Variants in CDH23 observed in about 807,000 individuals in gnomAD.
The protein encoded by CDH23 is cadherin-23.
CDH23 carries 189 observed loss-of-function variants against 317.1 expected under a neutral mutation model. The observed-to-expected ratio is 0.60, with a 90% CI of 0.53 to 0.67. The LOEUF is 0.67. Ranked by LOEUF, CDH23 falls within the 30% of genes least tolerant of loss-of-function variation. The pLI, the probability that CDH23 is intolerant of heterozygous loss-of-function variation, is 0.00. For synonymous variants in CDH23, 1,839 were observed against 1,876.8 expected (o/e 0.98, Z 0.52); for missense variants, 4,401 against 4,592.4 (o/e 0.96, Z 1.20).
At chr10:71,478,948 T>C (rs1484401554) in intron 3 of CDH23, among the ~76,000 whole-genome samples, 2 of 152,254 alleles carry the variant, frequency 1.3e-5, no homozygotes, top group East Asian at 1.9e-4. Context: ...TTATTTTTTA[T>C]GTCTGTTCAT....
At chr10:71,518,087 G>A (rs2132223100) in intron 6 of CDH23, among the ~76,000 whole-genome samples, 1 of 152,238 alleles carries the variant, frequency 6.6e-6, no homozygotes, top group Admixed American at 6.5e-5. Context: ...GTGTGTGTGT[G>A]TGTTCTTATT....
intron 34 of CDH23, among the ~76,000 whole-genome samples, chr10:71,738,081 T>C (rs1167495789): frequency 1.3e-5 from 2 of 152,222 alleles, no homozygotes; most frequent in African/African-American, 4.8e-5. Flanking sequence ...CTAAATTTTA[T>C]TACTCATCAG....
At chr10:71,634,199 A>G (rs763444440) in intron 11 of CDH23, among the ~76,000 whole-genome samples, 1 of 152,230 alleles carries the variant, frequency 6.6e-6, no homozygotes, top group Non-Finnish European at 1.5e-5. Context: ...TGGTGAGGCC[A>G]GCGAGTACTC....
intron 14 of CDH23, among the ~76,000 whole-genome samples, chr10:71,667,335 C>A (rs1863944377): frequency 9.9e-6 from 1 of 101,422 alleles, no homozygotes; most frequent in African/African-American, 3.5e-5. Context: ...AGGGGTGCTG[C>A]TTGAGGCAGA....
intron 11 of CDH23, among the ~76,000 whole-genome samples, chr10:71,643,430 G>A (rs757856164): frequency 9.2e-5 from 14 of 152,154 alleles, no homozygotes; most frequent in Non-Finnish European, 1.8e-4. Flanking sequence ...GGGGTGTTTG[G>A]GGTTGTTTCC....
chr10:71,686,867 G>A (rs1412741673), intron 18 of CDH23, among the ~76,000 whole-genome samples: 1 of 152,100 alleles, frequency 6.6e-6, no homozygotes, highest in South Asian at 2.1e-4. Context: ...GAGTATTAAA[G>A]GGCAGGAAAG....
At chr10:71,677,392 C>A in intron 15 of CDH23, 64 bp from the exon 16 acceptor site, 1 of 1,320,272 alleles carries the variant, frequency 7.6e-7, no homozygotes, top group South Asian at 1.4e-5. Context: ...GAAATGCCGG[C>A]CCCATCAACA....
At chr10:71,647,741 G>A (rs1862964303) in intron 14 of CDH23, 1 of 152,268 alleles carries the variant, frequency 6.6e-6, no homozygotes, top group Non-Finnish European at 1.5e-5. Flanking sequence ...AGTGGACCCA[G>A]GGGTTGGGGT....
intron 38 of CDH23, chr10:71,760,922 T>C (rs777657488): frequency 1.9e-6 from 3 of 1,613,812 alleles, no homozygotes; most frequent in Non-Finnish European, 2.5e-6. Flanking sequence ...GGTGCATCTT[T>C]GCCTGTGGGA....
chr10:71,693,612 TATAA>T (rs1357611587), intron 20 of CDH23, among the ~76,000 whole-genome samples: 1 of 152,038 alleles, frequency 6.6e-6, no homozygotes, highest in African/African-American at 2.4e-5. Flanking sequence ...TCTGTGACTG[TATAA>T]ATAAACAGTG....
intron 6 of CDH23, among the ~76,000 whole-genome samples, chr10:71,552,719 G>A (rs1334436882): frequency 6.6e-6 from 1 of 152,104 alleles, no homozygotes; most frequent in Non-Finnish European, 1.5e-5. Context: ...TCATTGGATG[G>A]ACAAGGACCG....
At chr10:71,759,998 CATACATATAT>C (rs1452213024) in intron 38 of CDH23, among the ~76,000 whole-genome samples, 2 of 49,524 alleles carry the variant, frequency 4.0e-5, no homozygotes, top group Non-Finnish European at 1.0e-4. Flanking sequence ...TACACACACA[CATACATATAT>C]ATACACACAC....
chr10:71,590,184 T>C (rs1374956805), intron 9 of CDH23, among the ~76,000 whole-genome samples: 1 of 152,234 alleles, frequency 6.6e-6, no homozygotes, highest in Non-Finnish European at 1.5e-5. Flanking sequence ...CTGAGTCAAT[T>C]AACTGGCTGC....
intron 9 of CDH23, among the ~76,000 whole-genome samples, chr10:71,584,186 A>G (rs910312052): frequency 6.6e-6 from 1 of 152,204 alleles, no homozygotes; most frequent in Non-Finnish European, 1.5e-5. Context: ...GCAGATTTAC[A>G]TTATATCCAT....
At chr10:71,487,155 C>T (rs114333287) in intron 3 of CDH23, among the ~76,000 whole-genome samples, 138 of 152,330 alleles carry the variant, frequency 9.1e-4, no homozygotes, top group African/African-American at 3.2e-3. Flanking sequence ...CAAGTTCACA[C>T]GTCATTTCCT....
chr10:71,751,791 C>T lies in CDH23; in HGVS notation c.4845+9870C>T. The T allele has an allele frequency of 3.1e-6, 5 of 1,599,340 alleles. No individual in the cohort carries two copies. The highest frequency in any genetic ancestry group is 4.3e-6 in the Non-Finnish European group (5 of 1,172,652). ...GCCACATAGGACAGGGGGTGCCTGA[C>T]TTTGGCCTCGGGTATCCCCTGGGCA... On this transcript the variant is annotated intron_variant, in intron 38 of 69. Transcript: ENST00000224721. The surrounding 1 kb of genome is among the most constrained non-coding windows in gnomAD (Gnocchi z 4.9).
At chr10:71,683,219 C>A (rs528920554) in intron 18 of CDH23, among the ~76,000 whole-genome samples, 2 of 152,330 alleles carry the variant, frequency 1.3e-5, no homozygotes, top group Non-Finnish European at 2.9e-5. Flanking sequence ...TGGAGACCTC[C>A]CCACACACAC....
chr10:71,539,386 A>G (rs936761199), intron 6 of CDH23, among the ~76,000 whole-genome samples: 2 of 152,166 alleles, frequency 1.3e-5, no homozygotes, highest in African/African-American at 2.4e-5. Context: ...TCTTTGGAAT[A>G]AAAATCAGAG....
chr10:71,645,769 T>G, intron 12 of CDH23, 62 bp from the exon 13 acceptor site: 2 of 1,579,014 alleles, frequency 1.3e-6, no homozygotes, highest in Non-Finnish European at 1.7e-6. Flanking sequence ...GCTCCTCCAT[T>G]TGGGTCTAGG....
Sources: gnomAD v4.1 joint callset for allele counts (sites outside exome capture counted in the v4.1 genomes callset) on GRCh38, gnomAD v4.1.1 for gene constraint, Gnocchi (gnomAD v3.1) non-coding constraint, MANE v1.5 for transcripts, NCBI Gene and HGNC (gene_info 2026-07-23, HGNC 2026-07-21) for gene names.